The following SLC25A21 variants were observed in gnomAD, a reference collection of about 807,000 sequenced individuals.
SLC25A21 encodes mitochondrial 2-oxodicarboxylate carrier.
A neutral mutation model predicts 43.8 loss-of-function variants in SLC25A21; 47 were observed. The observed-to-expected ratio is 1.07, with a 90% CI of 0.85 to 1.37. The LOEUF (loss-of-function observed/expected upper bound fraction) is 1.37, where lower values mean the gene tolerates loss of function less well. SLC25A21 is among the 40% of genes most tolerant of loss of function. The probability of loss-of-function intolerance (pLI) is 0.00; values close to 1 mark genes in which losing one functional copy is unlikely to be tolerated. For synonymous variants in SLC25A21, 131 were observed against 121.3 expected, an observed-to-expected ratio of 1.08 and a Z score of -0.52; for missense variants, 352 against 350.2, an observed-to-expected ratio of 1.00 and a Z score of -0.04.
chr14:36,733,413 C>A (rs79307223), intron 4 of SLC25A21, among the ~76,000 whole-genome samples: 1,833 of 152,284 alleles, frequency 0.012, 32 homozygotes, highest in African/African-American at 0.041. Context: ...CCTATACCAA[C>A]AAAGAGGGTG....
intron 3 of SLC25A21, among the ~76,000 whole-genome samples, chr14:36,793,104 C>T (rs2138404212): frequency 6.6e-6 from 1 of 152,272 alleles, no homozygotes; most frequent in Admixed American, 6.5e-5. Flanking sequence ...TCTTTAAGCA[C>T]ATACATAGGT....
intron 1 of SLC25A21, among the ~76,000 whole-genome samples, chr14:36,907,999 C>T (rs1208884598): frequency 3.3e-5 from 5 of 152,056 alleles, no homozygotes; most frequent in Non-Finnish European, 5.9e-5. Context: ...CAGTTTAATT[C>T]GGATTTGCTA....
chr14:36,850,666 C>G (rs919804458), intron 2 of SLC25A21, among the ~76,000 whole-genome samples: 11 of 152,114 alleles, frequency 7.2e-5, no homozygotes, highest in African/African-American at 2.7e-4. Flanking sequence ...GTTATTTTCT[C>G]CATATTACCT....
chr14:36,754,801 T>C (rs1261927643), intron 3 of SLC25A21, among the ~76,000 whole-genome samples: 1 of 152,218 alleles, frequency 6.6e-6, no homozygotes, highest in Non-Finnish European at 1.5e-5. Context: ...TGTTATTAAT[T>C]TATCTACTTG....
At chr14:36,685,423 T>C (rs1334598957) in intron 7 of SLC25A21, among the ~76,000 whole-genome samples, 1 of 152,198 alleles carries the variant, frequency 6.6e-6, no homozygotes, top group Non-Finnish European at 1.5e-5. Context: ...GTTTTTTGCA[T>C]TTATTTTCAC....
intron 1 of SLC25A21, among the ~76,000 whole-genome samples, chr14:37,163,749 A>C (rs1963987888): frequency 6.6e-6 from 1 of 152,192 alleles, no homozygotes; most frequent in Admixed American, 6.6e-5. Context: ...GGAAGAGAGA[A>C]GGAATAAATT....
intron 3 of SLC25A21, among the ~76,000 whole-genome samples, chr14:36,809,860 C>T (rs1888172645): frequency 6.6e-6 from 1 of 152,194 alleles, no homozygotes; most frequent in Non-Finnish European, 1.5e-5. Context: ...CCAAACTGGC[C>T]TCTATGCACC....
chr14:37,143,918 AAATTT>A (rs1963615369), intron 1 of SLC25A21, among the ~76,000 whole-genome samples: 1 of 152,226 alleles, frequency 6.6e-6, no homozygotes, highest in South Asian at 2.1e-4. Context: ...ATAATTAATT[AAATTT>A]ATCAATGCAG....
At chr14:37,084,484 C>T (rs968503128) in intron 1 of SLC25A21, among the ~76,000 whole-genome samples, 23 of 152,168 alleles carry the variant, frequency 1.5e-4, no homozygotes, top group Non-Finnish European at 1.3e-4. Flanking sequence ...CACTCTGCAC[C>T]AGCAATTTTA....
intron 1 of SLC25A21, among the ~76,000 whole-genome samples, chr14:36,997,335 CA>C (rs1960393173): frequency 1.3e-5 from 2 of 152,046 alleles, no homozygotes; most frequent in Admixed American, 1.3e-4. Context: ...AACAGGTGAT[CA>C]AAAGAGAAGA....
At chr14:36,898,898 G>A (rs1459586150) in intron 1 of SLC25A21, among the ~76,000 whole-genome samples, 4 of 152,168 alleles carry the variant, frequency 2.6e-5, no homozygotes, top group African/African-American at 9.7e-5. Context: ...ACAAAATATT[G>A]TATTCTTGAA....
At chr14:36,849,336 T>C (rs1230963066) in intron 2 of SLC25A21, among the ~76,000 whole-genome samples, 1 of 152,140 alleles carries the variant, frequency 6.6e-6, no homozygotes, top group African/African-American at 2.4e-5. Context: ...GAGTACTTTT[T>C]GGACAGCAGA....
intron 3 of SLC25A21, among the ~76,000 whole-genome samples, chr14:36,772,328 G>T (rs1886649476): frequency 6.6e-6 from 1 of 152,056 alleles, no homozygotes; most frequent in Non-Finnish European, 1.5e-5. Flanking sequence ...TAAATCCTGA[G>T]ACATAAAAAA....
intron 1 of SLC25A21, among the ~76,000 whole-genome samples, chr14:37,168,371 C>T (rs1413587133): frequency 2.0e-5 from 3 of 152,140 alleles, no homozygotes; most frequent in Non-Finnish European, 4.4e-5. Context: ...ATGTATTGTC[C>T]AGGCTACTGT....
intron 1 of SLC25A21, among the ~76,000 whole-genome samples, chr14:36,906,794 T>A (rs985546080): frequency 7.9e-5 from 12 of 152,090 alleles, no homozygotes; most frequent in Non-Finnish European, 1.3e-4. Flanking sequence ...TGAGCCACCA[T>A]GCCCGGCTGG....
chr14:37,147,830 C>CTT (rs922975985), intron 1 of SLC25A21, among the ~76,000 whole-genome samples: 1 of 94,550 alleles, frequency 1.1e-5, no homozygotes, highest in Non-Finnish European at 2.2e-5. Context: ...TTTCCTTTTT[C>CTT]TTTTTTTTCT....
chr14:36,791,999 G>A (rs1370577824), intron 3 of SLC25A21, among the ~76,000 whole-genome samples: 1 of 151,882 alleles, frequency 6.6e-6, no homozygotes, highest in African/African-American at 2.4e-5. Context: ...ACACTTTTCT[G>A]TGTTATACTA....
intron 1 of SLC25A21, among the ~76,000 whole-genome samples, chr14:37,040,058 C>T (rs763502402): frequency 1.6e-4 from 24 of 150,562 alleles, no homozygotes; most frequent in East Asian, 5.9e-4. Context: ...AAATTAGCTG[C>T]GTGTGGTGGC....
chr14:36,836,106 A>G (rs1005600815), intron 2 of SLC25A21, among the ~76,000 whole-genome samples: 1 of 152,256 alleles, frequency 6.6e-6, no homozygotes. Flanking sequence ...TTTAACAGGT[A>G]TGAAGAATAT....
Sources: gnomAD v4.1 joint callset for allele counts (sites outside exome capture counted in the v4.1 genomes callset) on GRCh38, gnomAD v4.1.1 for gene constraint, MANE v1.5 for transcripts, NCBI Gene and HGNC (gene_info 2026-07-23, HGNC 2026-07-21) for gene names.